Variants in RNF216 observed in about 807,000 individuals in gnomAD.
RNF216 encodes ring finger protein 216.
In RNF216, 72 loss-of-function variants were observed where a neutral mutation model predicts 110.8. The observed-to-expected ratio is 0.65, with a 90% confidence interval of 0.54 to 0.79. The LOEUF is 0.79. Among genes scored for constraint, RNF216 ranks in the 30% least tolerant of loss-of-function variants. The probability of loss-of-function intolerance (pLI) is 0.00; values close to 1 mark genes in which losing one functional copy is unlikely to be tolerated. For synonymous variants in RNF216, 495 were observed against 407.5 expected, an observed-to-expected ratio of 1.21 and a Z score of -2.59; for missense variants, 1,342 against 1,141.2, an observed-to-expected ratio of 1.18 and a Z score of -2.54.
intron 1 of RNF216, among the ~76,000 whole-genome samples, chr7:5,780,849 C>T (rs1584640326): frequency 6.6e-6 from 1 of 152,378 alleles, no homozygotes; most frequent in African/African-American, 2.4e-5. Flanking sequence ...ACCCGCACGC[C>T]GCGCACGCTC....
At chr7:5,727,758 A>G (rs182916773) in intron 7 of RNF216, among the ~76,000 whole-genome samples, 33 of 151,984 alleles carry the variant, frequency 2.2e-4, no homozygotes, top group East Asian at 5.8e-4. Context: ...TGATGATGAT[A>G]ATAATACAGA....
At chr7:5,691,828 C>G (rs956348413) in intron 13 of RNF216, among the ~76,000 whole-genome samples, 1 of 152,232 alleles carries the variant, frequency 6.6e-6, no homozygotes, top group African/African-American at 2.4e-5. Context: ...TAAATAACTT[C>G]TCTTACAGAA....
In RNF216 at chr7:5,768,179, G is replaced by A. The variant is rs180738359; in HGVS notation, c.-69-7041C>T. On this transcript the variant is annotated intron_variant, in intron 1 of 16. Transcript: ENST00000389902. ...GATTAAAAAAAAAATTACCAGGTGC[G>A]GTAGCTCATGCCTGTAATCCTAGCA... Among the ~76,000 whole-genome samples, 62 of 151,618 alleles carry A rather than the reference G, an allele frequency of 4.1e-4. No homozygotes were observed. The East Asian group carries it at 9.7e-3, about 24-fold the overall frequency.
intron 1 of RNF216, among the ~76,000 whole-genome samples, chr7:5,762,639 C>G (rs960812513): frequency 3.3e-5 from 5 of 151,760 alleles, no homozygotes; most frequent in Non-Finnish European, 5.9e-5. Flanking sequence ...TTGCAGTGAG[C>G]CGAGATCACA....
At chr7:5,675,714 C>CT (rs754444984) in intron 13 of RNF216, among the ~76,000 whole-genome samples, 2,752 of 141,166 alleles carry the variant, frequency 0.019, 120 homozygotes, top group African/African-American at 0.068. Flanking sequence ...TATTCAAATT[C>CT]TTTTTTTTTT....
rs1786696264 is a variant in RNF216 at position 5,626,277 on chromosome 7, C to T, written c.2383-2152G>A. ...CTAAGTGAGTCAACATGAAGGACTG[C>T]AGTAACTCAAGAGGGTTGGGTGGGC... is the stretch of plus-strand genomic sequence containing the variant. On this transcript the variant is annotated intron_variant, in intron 15 of 16. Transcript: ENST00000389902. Among the ~76,000 whole-genome samples the T allele has an allele frequency of 3.3e-5, 5 of 152,202 alleles. No homozygotes were observed. In the South Asian group the frequency reaches 8.3e-4, roughly 25 times the overall value.
At chr7:5,729,981 T>C (rs1457795771) in intron 6 of RNF216, among the ~76,000 whole-genome samples, 1 of 152,236 alleles carries the variant, frequency 6.6e-6, no homozygotes, top group Non-Finnish European at 1.5e-5. Context: ...TCAACCATAC[T>C]TGACCATATA....
At chr7:5,646,417 G>A (rs1285715001) in intron 14 of RNF216, among the ~76,000 whole-genome samples, 2 of 151,990 alleles carry the variant, frequency 1.3e-5, no homozygotes, top group African/African-American at 4.8e-5. Context: ...AAGGGGGCCA[G>A]GTGCCGTGGC....
chr7:5,670,928 C>G (rs1467884644), intron 13 of RNF216, among the ~76,000 whole-genome samples: 1 of 152,210 alleles, frequency 6.6e-6, no homozygotes, highest in African/African-American at 2.4e-5. Context: ...AGACGAACCA[C>G]CATGCCTCTC....
Position 5,652,428 on chromosome 7 carries a change from T to C in RNF216, c.2144A>G (p.Lys715Arg). ...TGTTACTCACATAGAGGTACGGTAC[T>C]TGATGTCGTCTTTTTCAGCCAGCTC... ...CEELAEKDDIKYRTSIEEKMT... is the reference protein window; with the variant it reads ...CEELAEKDDIRYRTSIEEKMT... The change falls in exon 14 of 17, where the codon AAG (lysine) becomes AGG (arginine). Residue 715 changes from lysine (K) to arginine (R), a missense_variant. Physicochemically the swap from Lys to Arg is conservative, Grantham distance 26. Transcript: ENST00000389902. 1 of 1,612,408 alleles carries C rather than the reference T, an allele frequency of 6.2e-7. No individual in the cohort carries two copies. The highest frequency in any genetic ancestry group is 8.5e-7 in the Non-Finnish European group (1 of 1,178,442).
chr7:5,683,429 T>G (rs1790781318), intron 13 of RNF216, among the ~76,000 whole-genome samples: 1 of 152,134 alleles, frequency 6.6e-6, no homozygotes, highest in Non-Finnish European at 1.5e-5. Context: ...TGTCTATATC[T>G]AAGTGGTGCT....
intron 13 of RNF216, among the ~76,000 whole-genome samples, chr7:5,682,975 AT>A: frequency 6.6e-6 from 1 of 152,356 alleles, no homozygotes; most frequent in East Asian, 1.9e-4. Context: ...GTAAACCAAC[AT>A]AAATCTGTGT....
In RNF216 at chr7:5,635,504, C is replaced by T. The variant is rs375033530; in HGVS notation, c.2382+5650G>A. ...AATACCTTTCCTTACCAGGTTTCTG[C>T]GTTTCCTCATCAATCCTCCCTTTCA... On this transcript the variant is annotated intron_variant, in intron 15 of 16. Coordinates refer to ENST00000389902, the MANE Select transcript of RNF216 (RefSeq NM_207111.4). Among the ~76,000 whole-genome samples, 15 of 152,262 alleles carry T rather than the reference C, an allele frequency of 9.9e-5. No homozygotes were observed. In the East Asian group the frequency reaches 2.9e-3, roughly 29 times the overall value.
chr7:5,749,399 C>A (rs1795219074), intron 3 of RNF216, among the ~76,000 whole-genome samples: 1 of 152,162 alleles, frequency 6.6e-6, no homozygotes, highest in South Asian at 2.1e-4. Context: ...AATCCACTCG[C>A]CTCGGCCTCC....
In RNF216 at chr7:5,622,900, A is replaced by G; in HGVS notation, c.2732T>C (p.Leu911Pro). 6.2e-7 allele frequency: 1 copy of G among 1,611,852 alleles called. No homozygotes were observed. The highest frequency in any genetic ancestry group is 8.5e-7 in the Non-Finnish European group (1 of 1,178,622). The change falls in exon 17 of 17, where the codon CTG becomes CCG. Residue 911 changes from leucine (L) to proline (P), a missense_variant. Coordinates refer to ENST00000389902, the MANE Select transcript of RNF216 (RefSeq NM_207111.4). ...GPIHMPLEHN[L>P]PMHFGPQPRH... The stretch of plus-strand genomic sequence containing the variant: ...CGGCTGGGGGCCAAAGTGCATGGGC[A>G]GGTTGTGCTCCAGGGGCATGTGGAT...
rs142162382 is a variant in RNF216, at chr7:5,773,212, C to T, written c.-70+8329G>A. ...CAGCTCTGGTATCAAATTTGAACTGCATCTAATCAAGTCCTTTTTTTTCCC... is the reference window on the plus strand; with the variant it reads ...CAGCTCTGGTATCAAATTTGAACTGTATCTAATCAAGTCCTTTTTTTTCCC... On this transcript the variant is annotated intron_variant, in intron 1 of 16. Coordinates refer to ENST00000389902, the MANE Select transcript of RNF216 (RefSeq NM_207111.4). Among the ~76,000 whole-genome samples the T allele has an allele frequency of 1.1e-4, 16 of 152,024 alleles. No individual in the cohort carries two copies. The East Asian group carries it at 3.1e-3, about 29-fold the overall frequency.
At chr7:5,711,910 C>G (rs1199451680) in intron 12 of RNF216, 71 bp from the exon 13 acceptor site, 1 of 1,357,458 alleles carries the variant, frequency 7.4e-7, no homozygotes, top group East Asian at 2.3e-5. Flanking sequence ...CTCCATGTGG[C>G]TGTTCATATG....
At chr7:5,751,621 T>C (rs1795331598) in intron 3 of RNF216, among the ~76,000 whole-genome samples, 1 of 152,136 alleles carries the variant, frequency 6.6e-6, no homozygotes, top group South Asian at 2.1e-4. Context: ...TGTTAACTCA[T>C]CAGTTATTTT....
At chr7:5,684,094 C>CTTTTTTTTTT (rs10608511) in intron 13 of RNF216, among the ~76,000 whole-genome samples, 2 of 61,846 alleles carry the variant, frequency 3.2e-5, no homozygotes, top group East Asian at 7.6e-4. Context: ...GCTGGGCCTT[C>CTTTTTTTTTT]TTTTTTTTTT....
Sources: gnomAD v4.1 joint callset for allele counts (sites outside exome capture counted in the v4.1 genomes callset) on GRCh38, gnomAD v4.1.1 for gene constraint, MANE v1.5 for transcripts, NCBI Gene and HGNC (gene_info 2026-07-23, HGNC 2026-07-21) for gene names.